The following ITIH5 variants were observed in gnomAD, a reference collection of about 807,000 sequenced individuals.
ITIH5 encodes the protein inter-alpha-trypsin inhibitor heavy chain 5, also known as inter-alpha-trypsin inhibitor heavy chain H5.
In ITIH5, 65 loss-of-function variants were observed where a neutral mutation model predicts 77.5. That is an observed-to-expected ratio of 0.84 (90% confidence interval 0.69 to 1.03). The LOEUF (loss-of-function observed/expected upper bound fraction) is 1.03. Ranked by LOEUF, ITIH5 falls within the 50% of genes least tolerant of loss-of-function variation. The probability of loss-of-function intolerance (pLI) is 0.00; values close to 1 mark genes in which losing one functional copy is unlikely to be tolerated. For synonymous variants in ITIH5, 525 were observed against 494.3 expected (o/e 1.06, Z -0.82); for missense variants, 1,208 against 1,213.1 (o/e 1.00, Z 0.06).
At chr10:7,612,573 G>A (rs1454436677) in intron 7 of ITIH5, among the ~76,000 whole-genome samples, 1 of 151,766 alleles carries the variant, frequency 6.6e-6, no homozygotes, top group African/African-American at 2.4e-5. Flanking sequence ...ATTCAGACTG[G>A]TTGCAGTTAA....
chr10:7,622,181 T>A (rs899184424), intron 5 of ITIH5: 1 of 152,218 alleles, frequency 6.6e-6, no homozygotes, highest in African/African-American at 2.4e-5. Context: ...TCCCTGCCTC[T>A]CAGGCCACCA....
In ITIH5 at chr10:7,664,528, C is replaced by T. The variant is rs189462282; in HGVS notation, c.90+2275G>A. 5.0e-3 allele frequency among the ~76,000 whole-genome samples: 754 copies of T among 152,182 alleles called. 3 individuals carry two copies. The highest frequency in any genetic ancestry group is 8.7e-3 in the Non-Finnish European group (590 of 68,012). On this transcript the variant is annotated intron_variant, in intron 1 of 13. Coordinates refer to ENST00000397146, the MANE Select transcript of ITIH5 (RefSeq NM_030569.7). ...CAGGAAGCTGAATGTTTAATGAACA[C>T]CCCAAGTGACTTTTTCCACCCCAAG...
At position 7,637,237 on chromosome 10, in the gene ITIH5, G is replaced by T. The variant is rs759497987; in HGVS notation, c.643C>A (p.Arg215Ser). The T allele has an allele frequency of 1.2e-6, 2 of 1,607,674 alleles. No individual in the cohort carries two copies. Among genetic ancestry groups the T allele is most frequent in the East Asian group, 2.2e-5 (1 of 44,870 alleles). The change falls in exon 5 of 14, where the codon CGC becomes AGC. Residue 215 changes from arginine (R) to serine (S), a missense_variant. Coordinates refer to ENST00000397146, the MANE Select transcript of ITIH5 (RefSeq NM_030569.7). Reference sequence around the variant, plus strand: ...AGCACGCAGGACTCACCTTCCCCGCGCCCACTGCCCCTCTGCCTGCTGTTG... The same window carrying T: ...AGCACGCAGGACTCACCTTCCCCGCTCCCACTGCCCCTCTGCCTGCTGTTG... The part of the protein sequence containing the change: ...LHNSRQRGSG[R>S]GEDDSGPPPS...
chr10:7,645,643 G>A (rs150680483), intron 2 of ITIH5, among the ~76,000 whole-genome samples: 1 of 152,174 alleles, frequency 6.6e-6, no homozygotes, highest in Non-Finnish European at 1.5e-5. Flanking sequence ...TAAAACTGAG[G>A]AATAAAACCT....
chr10:7,640,346 G>A (rs1390447353), intron 4 of ITIH5, among the ~76,000 whole-genome samples: 1 of 151,700 alleles, frequency 6.6e-6, no homozygotes, highest in Non-Finnish European at 1.5e-5. Flanking sequence ...GTGTGGTGGT[G>A]CACACCTGTA....
Position 7,576,750 on chromosome 10 carries a change from T to G in ITIH5, c.1681A>C (p.Arg561=). Residue 561 remains arginine, a synonymous_variant, in exon 10 of 14, where the codon AGG becomes CGG. Transcript: ENST00000397146. ...TCCCCCTCTCCATCGCCTCCAGGCC[T>G]GGGGCTTCCTGTGACATCTTTCCCT... ...KAGKDVTGSP[R]PGGDGEGDTN... The G allele has an allele frequency of 6.2e-7, 1 of 1,614,188 alleles. No individual in the cohort carries two copies. Among genetic ancestry groups the G allele is most frequent in the Admixed American group, 1.7e-5 (1 of 60,022 alleles).
chr10:7,585,882 A>G lies in ITIH5; in HGVS notation c.1108+19T>C. Reference sequence around the variant, plus strand: ...TATTTCAAAGCCAAGCCAATGTGAAAAGAAGGTGTCATCTTTACCTCCAGT... The same window carrying G: ...TATTTCAAAGCCAAGCCAATGTGAAGAGAAGGTGTCATCTTTACCTCCAGT... On this transcript the variant is annotated intron_variant, in intron 8 of 13. Transcript: ENST00000397146. 1 of 1,576,226 alleles carries G rather than the reference A, an allele frequency of 6.3e-7. No homozygotes were observed. The highest frequency in any genetic ancestry group is 8.6e-7 in the Non-Finnish European group (1 of 1,163,410).
At chr10:7,603,864 T>C (rs1833067518) in intron 7 of ITIH5, among the ~76,000 whole-genome samples, 1 of 152,178 alleles carries the variant, frequency 6.6e-6, no homozygotes, top group African/African-American at 2.4e-5. Context: ...ATTACAGGCA[T>C]GAGCCACCAC....
intron 13 of ITIH5, among the ~76,000 whole-genome samples, 199 bp downstream of exon 13, chr10:7,565,831 T>A (rs544654310): frequency 8.7e-5 from 13 of 149,978 alleles, no homozygotes; most frequent in African/African-American, 3.2e-4. Flanking sequence ...ATATAATACA[T>A]TATGTATATG....
At chr10:7,602,833 ACTT>A (rs1284241345) in intron 7 of ITIH5, among the ~76,000 whole-genome samples, 4 of 151,910 alleles carry the variant, frequency 2.6e-5, no homozygotes, top group African/African-American at 9.7e-5. Context: ...AAGCCACACT[ACTT>A]CTTCTTTAAT....
intron 7 of ITIH5, among the ~76,000 whole-genome samples, chr10:7,588,627 G>A (rs1309355299): frequency 6.6e-6 from 1 of 152,240 alleles, no homozygotes; most frequent in Non-Finnish European, 1.5e-5. Context: ...GTGAGTTTTT[G>A]CTAAAGTAAT....
chr10:7,584,896 T>C (rs1461708188), intron 8 of ITIH5, among the ~76,000 whole-genome samples: 1 of 152,202 alleles, frequency 6.6e-6, no homozygotes, highest in Non-Finnish European at 1.5e-5. Context: ...TCCTAGATTA[T>C]ACTGTTTGGG....
chr10:7,650,807 T>C (rs1412076534), intron 2 of ITIH5, among the ~76,000 whole-genome samples: 1 of 151,866 alleles, frequency 6.6e-6, no homozygotes, highest in Admixed American at 6.6e-5. Flanking sequence ...CCCCAACTGC[T>C]AGATTTACCA....
chr10:7,632,680 A>G lies in ITIH5; in HGVS notation c.652+4548T>C, dbSNP rs1833732230. Among the ~76,000 whole-genome samples the G allele has an allele frequency of 2.0e-5, 3 of 152,190 alleles. No individual in the cohort carries two copies. In the South Asian group the frequency reaches 6.2e-4, roughly 32 times the overall value. On this transcript the variant is annotated intron_variant, in intron 5 of 13. Coordinates refer to ENST00000397146, the MANE Select transcript of ITIH5 (RefSeq NM_030569.7). ...CCGTAGCCCCACCCTAATACATTCA[A>G]ATTCACTTGTCTAGGCTAGGGTAGG...
At chr10:7,628,699 C>T (rs866523099) in intron 5 of ITIH5, among the ~76,000 whole-genome samples, 13,870 of 99,494 alleles carry the variant, frequency 0.14, 1,120 homozygotes, top group Non-Finnish European at 0.19. Flanking sequence ...GTCCATGTTG[C>T]AGCGTGTGTC....
chr10:7,601,558 T>C (rs1833015866), intron 7 of ITIH5, among the ~76,000 whole-genome samples: 1 of 152,082 alleles, frequency 6.6e-6, no homozygotes, highest in South Asian at 2.1e-4. Flanking sequence ...AGCATCGACC[T>C]CCCTCCTGGT....
intron 6 of ITIH5, among the ~76,000 whole-genome samples, chr10:7,616,779 G>C (rs934741654): frequency 7.9e-5 from 12 of 152,114 alleles, no homozygotes; most frequent in African/African-American, 2.9e-4. Context: ...AGTGAGCCGA[G>C]ATCGGCCACT....
intron 7 of ITIH5, among the ~76,000 whole-genome samples, chr10:7,606,263 A>G (rs1025993899): frequency 6.6e-6 from 1 of 152,226 alleles, no homozygotes; most frequent in East Asian, 1.9e-4. Context: ...TATATACCCA[A>G]AGGAATAGAA....
intron 2 of ITIH5, 54 bp from the exon 3 acceptor site, chr10:7,642,144 G>A (rs1833901037): frequency 2.1e-6 from 3 of 1,412,868 alleles, no homozygotes; most frequent in Middle Eastern, 1.8e-4. Context: ...GCATTTTGGT[G>A]GTAGTGGAAC....
Sources: allele counts gnomAD v4.1 joint callset (sites outside exome capture counted in the v4.1 genomes callset), GRCh38; gene constraint gnomAD v4.1.1; transcripts MANE v1.5; gene names NCBI Gene and HGNC (gene_info 2026-07-23, HGNC 2026-07-21).